USP49: variants seen among roughly 807,000 people sequenced by gnomAD.
USP49 encodes the protein ubiquitin carboxyl-terminal hydrolase 49.
In USP49, 24 loss-of-function variants were observed where a neutral mutation model predicts 58.6. That is an observed-to-expected ratio of 0.41 (90% CI 0.30 to 0.58). The LOEUF (loss-of-function observed/expected upper bound fraction) is 0.58, where lower values mean the gene tolerates loss of function less well. Ranked by LOEUF, USP49 falls within the 20% of genes least tolerant of loss-of-function variation. The pLI, the probability that USP49 is intolerant of heterozygous loss-of-function variation, is 0.30. For missense variants in USP49, 703 were observed against 866.1 expected (o/e 0.81, Z 2.36); for synonymous variants, 408 against 365.1 (o/e 1.12, Z -1.34).
intron 2 of USP49, among the ~76,000 whole-genome samples, chr6:41,884,847 G>A (rs1435710151): frequency 6.6e-6 from 1 of 152,140 alleles, no homozygotes; most frequent in Non-Finnish European, 1.5e-5. Context: ...ACTAAAAAAT[G>A]AGAAACCATC....
Position 41,890,387 on chromosome 6 carries a change from A to AT in USP49, c.-103+1406_-103+1407insA, listed in dbSNP as rs1206633601. On this transcript the variant is annotated intron_variant, in intron 2 of 7. Transcript: ENST00000682992. ...GAGCAGTACTCCAACTCAAAAAAAA[A>AT]AAAACGAGTGGATCAATTTACTTAA... is the stretch of plus-strand genomic sequence containing the variant. 2.0e-5 allele frequency among the ~76,000 whole-genome samples: 3 copies of AT among 151,810 alleles called. No individual in the cohort carries two copies. In the East Asian group the frequency reaches 5.8e-4, roughly 29 times the overall value.
intron 3 of USP49, among the ~76,000 whole-genome samples, chr6:41,862,667 T>C (rs1446463569): frequency 6.6e-6 from 1 of 152,224 alleles, no homozygotes; most frequent in Admixed American, 6.5e-5. Context: ...GTGTATGATA[T>C]GTTTACAGCA....
Position 41,806,009 on chromosome 6 carries a change from G to T in USP49, c.975C>A (p.Cys325Ter). The T allele has an allele frequency of 6.2e-7, 1 of 1,613,896 alleles. No homozygotes were observed. The highest frequency in any genetic ancestry group is 1.3e-5 in the African/African-American group (1 of 75,064). The change falls in exon 4 of 8, where the codon TGC becomes TGA. Residue 325 changes from cysteine to a stop codon, truncating the protein, a stop_gained. Coordinates refer to ENST00000682992, the MANE Select transcript of USP49 (RefSeq NM_001286554.2). LOFTEE classifies it high-confidence loss of function. This position sits in a 1 kb window ranked among gnomAD's most constrained non-coding sequence, Gnocchi z 5.9. Reference protein sequence around the residue: ...LSLRNDRAEACEREGFCWNGR... With the variant: ...LSLRNDRAEA ...CGTTCCAGCAGAAGCCCTCCCGCTCGCATGCCTCGGCCCTGTCATTTCTCA... is the reference window on the plus strand; with the variant it reads ...CGTTCCAGCAGAAGCCCTCCCGCTCTCATGCCTCGGCCCTGTCATTTCTCA...
intron 3 of USP49, among the ~76,000 whole-genome samples, chr6:41,867,526 G>A (rs1216005930): frequency 1.3e-5 from 2 of 150,648 alleles, no homozygotes; most frequent in South Asian, 4.2e-4. Flanking sequence ...GGTGGATCAC[G>A]AGGTCAGGAG....
intron 3 of USP49, 139 bp from the exon 4 acceptor site, chr6:41,807,150 T>C: frequency 1.0e-6 from 1 of 976,800 alleles, no homozygotes; most frequent in Non-Finnish European, 1.4e-6. Flanking sequence ...CAACTCCAAA[T>C]TGGTTCCTTT....
intron 2 of USP49, among the ~76,000 whole-genome samples, chr6:41,881,320 G>C (rs1452216822): frequency 2.1e-4 from 6 of 28,848 alleles, no homozygotes; most frequent in East Asian, 8.2e-4. Flanking sequence ...AAAAAAAAAA[G>C]CCCAGCTAGA....
chr6:41,828,995 G>T (rs1315772159), intron 3 of USP49, among the ~76,000 whole-genome samples: 1 of 151,808 alleles, frequency 6.6e-6, no homozygotes, highest in African/African-American at 2.4e-5. Flanking sequence ...GTTTATCCAG[G>T]TCTTTTGATT....
At chr6:41,802,464 A>ATTTTTTT (rs1272102736) in intron 5 of USP49, among the ~76,000 whole-genome samples, 1 of 73,694 alleles carries the variant, frequency 1.4e-5, no homozygotes, top group African/African-American at 5.5e-5. Flanking sequence ...TTATTTATTT[A>ATTTTTTT]TTTATTTTTT....
chr6:41,794,405 G>A lies in USP49; in HGVS notation c.*2128C>T, dbSNP rs988585167. 1.3e-5 allele frequency: 2 copies of A among 152,084 alleles called. No homozygotes were observed. The highest frequency in any genetic ancestry group is 2.9e-5 in the Non-Finnish European group (2 of 67,968). 9.4% of individuals were successfully genotyped at this position (152,084 alleles called of 1,614,324 possible). On this transcript the variant is annotated 3_prime_UTR_variant, in exon 8 of 8. Transcript: ENST00000682992. ...ATGTTTATTAATAATTATCCCCACT[G>A]GACAGCCTGAGGGGTAAAGTAGATG...
chr6:41,840,918 CTG>C (rs1054700574), intron 3 of USP49, among the ~76,000 whole-genome samples: 29 of 151,928 alleles, frequency 1.9e-4, no homozygotes, highest in African/African-American at 7.0e-4. Context: ...TGCAGGATGA[CTG>C]TTTGAGCCAA....
intron 3 of USP49, among the ~76,000 whole-genome samples, chr6:41,855,199 A>G (rs774137265): frequency 4.2e-4 from 63 of 150,368 alleles, no homozygotes; most frequent in Non-Finnish European, 8.0e-4. Context: ...TTTTTTTGGC[A>G]TAGTACTGTT....
intron 3 of USP49, among the ~76,000 whole-genome samples, chr6:41,825,481 A>C (rs772154330): frequency 6.6e-5 from 10 of 152,152 alleles, no homozygotes; most frequent in Non-Finnish European, 1.3e-4. Flanking sequence ...AATAAGTCTC[A>C]CTGACCTCAT....
intron 3 of USP49, among the ~76,000 whole-genome samples, chr6:41,830,517 T>G (rs1252069062): frequency 2.0e-5 from 3 of 152,130 alleles, no homozygotes; most frequent in East Asian, 1.9e-4. Flanking sequence ...CAAAACAGAT[T>G]TGCAACCAAT....
At chr6:41,814,582 T>TAC (rs1180360398) in intron 3 of USP49, among the ~76,000 whole-genome samples, 1 of 152,062 alleles carries the variant, frequency 6.6e-6, no homozygotes, top group Non-Finnish European at 1.5e-5. Context: ...ACTATATAAC[T>TAC]ACATCATCAG....
At chr6:41,870,381 T>A (rs2251084) in intron 3 of USP49, among the ~76,000 whole-genome samples, 1 of 151,968 alleles carries the variant, frequency 6.6e-6, no homozygotes, top group African/African-American at 2.4e-5. Context: ...CACAAATACA[T>A]GCCATATACT....
chr6:41,838,649 G>C (rs1279030123), intron 3 of USP49, among the ~76,000 whole-genome samples: 1 of 152,118 alleles, frequency 6.6e-6, no homozygotes, highest in African/African-American at 2.4e-5. Context: ...TTTTTCCACT[G>C]AAATAGTCTA....
intron 3 of USP49, among the ~76,000 whole-genome samples, chr6:41,821,642 T>C (rs1773454529): frequency 6.6e-6 from 1 of 151,972 alleles, no homozygotes; most frequent in Non-Finnish European, 1.5e-5. Flanking sequence ...GGTGTGGTGG[T>C]GGGCGCCTGT....
intron 3 of USP49, among the ~76,000 whole-genome samples, chr6:41,871,211 T>C (rs779754844): frequency 2.0e-4 from 30 of 152,032 alleles, no homozygotes; most frequent in Non-Finnish European, 3.8e-4. Flanking sequence ...AACTGACATA[T>C]TTGGAGAAAA....
chr6:41,875,676 CT>C (rs1431621435), intron 2 of USP49, among the ~76,000 whole-genome samples: 1 of 152,180 alleles, frequency 6.6e-6, no homozygotes, highest in Non-Finnish European at 1.5e-5. Flanking sequence ...CCTTGATGGA[CT>C]TAAGTGTTTT....
Sources: allele counts gnomAD v4.1 joint callset (sites outside exome capture counted in the v4.1 genomes callset), GRCh38; gene constraint gnomAD v4.1.1; non-coding constraint Gnocchi (gnomAD v3.1); transcripts MANE v1.5; gene names NCBI Gene and HGNC (gene_info 2026-07-23, HGNC 2026-07-21).